Variants in SH3RF3 observed in about 807,000 individuals in gnomAD.
The protein encoded by SH3RF3 is E3 ubiquitin-protein ligase SH3RF3.
In SH3RF3, 29 loss-of-function variants were observed where a neutral mutation model predicts 66.3. That is an observed-to-expected ratio of 0.44 (90% CI 0.33 to 0.60). SH3RF3 has a LOEUF of 0.60. Among genes scored for constraint, SH3RF3 ranks in the 20% least tolerant of loss-of-function variants. The probability of loss-of-function intolerance (pLI) is 0.04; values close to 1 mark genes in which losing one functional copy is unlikely to be tolerated. For synonymous variants in SH3RF3, 583 were observed against 532.0 expected, an observed-to-expected ratio of 1.10 and a Z score of -1.32; for missense variants, 1,194 against 1,190.9, an observed-to-expected ratio of 1.00 and a Z score of -0.04.
intron 2 of SH3RF3, among the ~76,000 whole-genome samples, chr2:109,369,945 C>T (rs1178914048): frequency 6.6e-6 from 1 of 152,214 alleles, no homozygotes; most frequent in Non-Finnish European, 1.5e-5. Context: ...GGGTGGTGCA[C>T]TCAGCTCTGA....
At chr2:109,492,481 C>T (rs1679154919) in intron 9 of SH3RF3, among the ~76,000 whole-genome samples, 1 of 152,160 alleles carries the variant, frequency 6.6e-6, no homozygotes. Context: ...GGGTGACGTT[C>T]AGAACACTCA....
chr2:109,482,904 T>TTCTTTATC (rs1352328256), intron 8 of SH3RF3, among the ~76,000 whole-genome samples: 5 of 152,236 alleles, frequency 3.3e-5, no homozygotes, highest in African/African-American at 1.2e-4. Context: ...TGAACCAATT[T>TTCTTTATC]TCTTTATCTT....
chr2:109,298,926 A>G (rs1213684567), intron 1 of SH3RF3, among the ~76,000 whole-genome samples: 1 of 152,198 alleles, frequency 6.6e-6, no homozygotes, highest in East Asian at 1.9e-4. Context: ...AGAATTCCCC[A>G]GTGCCTCCCA....
At chr2:109,466,575 T>TA (rs1559098547) in intron 8 of SH3RF3, among the ~76,000 whole-genome samples, 1 of 152,372 alleles carries the variant, frequency 6.6e-6, no homozygotes, top group East Asian at 1.9e-4. Flanking sequence ...CACAAGTTGT[T>TA]AATTTTCATG....
chr2:109,500,152 A>C (rs900232355), intron 9 of SH3RF3, among the ~76,000 whole-genome samples: 4 of 152,168 alleles, frequency 2.6e-5, no homozygotes, highest in Non-Finnish European at 5.9e-5. Flanking sequence ...GGCACTTTAA[A>C]GGGGACTGGG....
At chr2:109,257,388 G>A (rs1429367382) in intron 1 of SH3RF3, among the ~76,000 whole-genome samples, 1 of 151,520 alleles carries the variant, frequency 6.6e-6, no homozygotes, top group African/African-American at 2.4e-5. Context: ...GGGAGAGGAA[G>A]GGAAGGAGGG....
chr2:109,189,580 G>A (rs776956370), intron 1 of SH3RF3, among the ~76,000 whole-genome samples: 37 of 151,954 alleles, frequency 2.4e-4, no homozygotes, highest in Non-Finnish European at 5.1e-4. Flanking sequence ...TATTGGAAAG[G>A]CTGGTTTTGA....
intron 5 of SH3RF3, among the ~76,000 whole-genome samples, chr2:109,429,104 G>C (rs1266759603): frequency 6.6e-6 from 1 of 152,186 alleles, no homozygotes; most frequent in Non-Finnish European, 1.5e-5. Context: ...GACCCTGAGA[G>C]GTGGGAGGGA....
intron 1 of SH3RF3, among the ~76,000 whole-genome samples, chr2:109,186,583 C>T (rs961116041): frequency 1.3e-5 from 2 of 152,218 alleles, no homozygotes; most frequent in Admixed American, 1.3e-4. Flanking sequence ...AAACAAATAA[C>T]CTCCTGCCCC....
At chr2:109,172,188 G>A (rs1677799863) in intron 1 of SH3RF3, among the ~76,000 whole-genome samples, 1 of 152,210 alleles carries the variant, frequency 6.6e-6, no homozygotes, top group African/African-American at 2.4e-5. Context: ...CTGTGCATTA[G>A]CTCTCAGACC....
chr2:109,499,038 C>CT (rs1679324594), intron 9 of SH3RF3, among the ~76,000 whole-genome samples: 1 of 152,152 alleles, frequency 6.6e-6, no homozygotes, highest in Non-Finnish European at 1.5e-5. Flanking sequence ...GGGATGGGGA[C>CT]TGCTGGAGCC....
At chr2:109,482,756 G>C (rs1384758550) in intron 8 of SH3RF3, among the ~76,000 whole-genome samples, 1 of 152,206 alleles carries the variant, frequency 6.6e-6, no homozygotes, top group Non-Finnish European at 1.5e-5. Flanking sequence ...AGGAAGGGCA[G>C]GGAACAACTG....
chr2:109,172,396 G>A (rs1677806834), intron 1 of SH3RF3, among the ~76,000 whole-genome samples: 1 of 152,192 alleles, frequency 6.6e-6, no homozygotes, highest in South Asian at 2.1e-4. Context: ...CCCTGCTCCT[G>A]GAGGTCTTCC....
intron 1 of SH3RF3, among the ~76,000 whole-genome samples, chr2:109,250,502 GAAT>G (rs1328647741): frequency 2.6e-5 from 4 of 151,698 alleles, no homozygotes; most frequent in Non-Finnish European, 1.5e-5. Flanking sequence ...AAAATAAATG[GAAT>G]AATAATGGAC....
chr2:109,482,575 C>G, intron 8 of SH3RF3, among the ~76,000 whole-genome samples: 1 of 152,206 alleles, frequency 6.6e-6, no homozygotes, highest in South Asian at 2.1e-4. Context: ...GCGCCCAGCC[C>G]GGGGCCATGA....
At chr2:109,417,875 T>A (rs1463820113) in intron 4 of SH3RF3, among the ~76,000 whole-genome samples, 1 of 152,154 alleles carries the variant, frequency 6.6e-6, no homozygotes, top group Non-Finnish European at 1.5e-5. Flanking sequence ...GGTTATCAGC[T>A]AAGCAAGGCC....
intron 1 of SH3RF3, among the ~76,000 whole-genome samples, chr2:109,338,276 G>C (rs1402878378): frequency 1.3e-5 from 2 of 152,112 alleles, no homozygotes; most frequent in Non-Finnish European, 2.9e-5. Context: ...TGTTTTGCAG[G>C]TACGGAAACT....
At chr2:109,284,453 A>G (rs1481333278) in intron 1 of SH3RF3, among the ~76,000 whole-genome samples, 2 of 152,126 alleles carry the variant, frequency 1.3e-5, no homozygotes, top group African/African-American at 4.8e-5. Flanking sequence ...GTGGACTGGG[A>G]GGCAGGCATG....
intron 9 of SH3RF3, among the ~76,000 whole-genome samples, chr2:109,494,234 C>T (rs1679198826): frequency 6.6e-6 from 1 of 152,212 alleles, no homozygotes; most frequent in South Asian, 2.1e-4. Context: ...AATTCAGAGA[C>T]TCACTCCCGT....
Sources: gnomAD v4.1 joint callset for allele counts (sites outside exome capture counted in the v4.1 genomes callset) on GRCh38, gnomAD v4.1.1 for gene constraint, MANE v1.5 for transcripts, NCBI Gene and HGNC (gene_info 2026-07-23, HGNC 2026-07-21) for gene names.